SIPA1L3: variants seen among roughly 807,000 people sequenced by gnomAD.
SIPA1L3 encodes signal-induced proliferation-associated 1-like protein 3.
Under a neutral mutation model 150.1 loss-of-function variants are expected in SIPA1L3, and 59 were observed. That is an observed-to-expected ratio of 0.39 (90% CI 0.32 to 0.49). SIPA1L3 has a LOEUF of 0.49. SIPA1L3 is among the 20% of genes least tolerant of loss of function. SIPA1L3 has a pLI of 0.86. For synonymous variants in SIPA1L3, 1,070 were observed against 1,077.6 expected, an observed-to-expected ratio of 0.99 and a Z score of 0.14; for missense variants, 2,211 against 2,489.5, an observed-to-expected ratio of 0.89 and a Z score of 2.38.
rs1010346329 is a variant in SIPA1L3 at position 38,184,648 on chromosome 19, A to C, written c.4430+1908A>C. 3 of 152,234 alleles carry C rather than the reference A, an allele frequency of 2.0e-5. No homozygotes were observed. The East Asian group carries it at 5.8e-4, about 29-fold the overall frequency. The allele number at this position is 152,234 out of a possible 1,614,324, so 9.4% of individuals were successfully genotyped here. Reference sequence around the variant, plus strand: ...TTTGTAGTGTCATCTTTCATGACCTACATGGAGACATTCAAATCCGGGGAT... The same window carrying C: ...TTTGTAGTGTCATCTTTCATGACCTCCATGGAGACATTCAAATCCGGGGAT... On this transcript the variant is annotated intron_variant, in intron 16 of 21. Transcript: ENST00000222345.
intron 1 of SIPA1L3, among the ~76,000 whole-genome samples, chr19:37,978,963 C>A (rs1178960994): frequency 6.6e-6 from 1 of 151,730 alleles, no homozygotes; most frequent in Admixed American, 6.6e-5. Context: ...GTGACAGAGA[C>A]CCCGTCTCAA....
intron 1 of SIPA1L3, among the ~76,000 whole-genome samples, chr19:37,996,214 C>T (rs1009119060): frequency 2.0e-5 from 3 of 152,036 alleles, no homozygotes; most frequent in Non-Finnish European, 2.9e-5. Context: ...AGGCGTGAGC[C>T]AGCACACCCA....
intron 14 of SIPA1L3, among the ~76,000 whole-genome samples, chr19:38,162,952 G>A (rs768456460): frequency 2.6e-5 from 4 of 152,222 alleles, no homozygotes; most frequent in Non-Finnish European, 5.9e-5. Flanking sequence ...GCTGGGAAAT[G>A]TAGTCTTGCA....
chr19:38,167,228 T>G, intron 15 of SIPA1L3, among the ~76,000 whole-genome samples: 1 of 59,958 alleles, frequency 1.7e-5, no homozygotes, highest in Admixed American at 1.5e-4. Context: ...CGAGATTCCA[T>G]CTCAAAAAAA....
intron 12 of SIPA1L3, among the ~76,000 whole-genome samples, chr19:38,144,270 G>C (rs998036992): frequency 6.6e-6 from 1 of 152,256 alleles, no homozygotes; most frequent in African/African-American, 2.4e-5. Flanking sequence ...CTGTAAGAGA[G>C]CGAGAGAGAG....
intron 1 of SIPA1L3, among the ~76,000 whole-genome samples, chr19:37,961,764 G>T (rs1460287244): frequency 6.6e-6 from 1 of 151,934 alleles, no homozygotes; most frequent in East Asian, 1.9e-4. Flanking sequence ...TGATGCCTTT[G>T]ATGATGTCCC....
intron 2 of SIPA1L3, among the ~76,000 whole-genome samples, chr19:38,072,731 A>C (rs1304728122): frequency 6.6e-6 from 1 of 152,272 alleles, no homozygotes; most frequent in East Asian, 1.9e-4. Context: ...GGAGGCTCCC[A>C]AAGGGAAGTC....
rs1277482217 is a variant in SIPA1L3 at position 38,094,334 on chromosome 19, G to A, written c.1665+5483G>A. Among the ~76,000 whole-genome samples the A allele has an allele frequency of 4.6e-5, 7 of 152,036 alleles. 1 individual carries two copies. The highest frequency in any genetic ancestry group is 1.5e-4 in the African/African-American group (6 of 41,376). On this transcript the variant is annotated intron_variant, in intron 4 of 21. Coordinates refer to ENST00000222345, the MANE Select transcript of SIPA1L3 (RefSeq NM_015073.3). Reference sequence around the variant, plus strand: ...TGCAGTCATAGCTCACTGCAGCCTCGAATTCCCGGGCTCAAGCGATCCTCC... The same window carrying A: ...TGCAGTCATAGCTCACTGCAGCCTCAAATTCCCGGGCTCAAGCGATCCTCC...
intron 1 of SIPA1L3, among the ~76,000 whole-genome samples, 195 bp from the exon 2 acceptor site, chr19:38,028,894 A>G (rs1399873120): frequency 1.3e-5 from 2 of 152,014 alleles, no homozygotes; most frequent in African/African-American, 4.8e-5. Flanking sequence ...GGGTTTTGCC[A>G]TGTTGGCCAG....
intron 21 of SIPA1L3, among the ~76,000 whole-genome samples, chr19:38,204,899 G>A (rs959383681): frequency 1.5e-4 from 23 of 152,230 alleles, no homozygotes; most frequent in African/African-American, 5.5e-4. Flanking sequence ...TGGAGCCAGC[G>A]TGGCTGTCAC....
intron 16 of SIPA1L3, among the ~76,000 whole-genome samples, chr19:38,187,669 G>A (rs1417292858): frequency 7.9e-6 from 1 of 126,168 alleles, no homozygotes; most frequent in Non-Finnish European, 1.6e-5. Flanking sequence ...AGTGAGCCAA[G>A]ATTGCGCCAC....
In SIPA1L3 at chr19:38,182,459, T is replaced by C; in HGVS notation, c.4209-60T>C. The C allele has an allele frequency of 2.3e-6, 3 of 1,284,578 alleles. No homozygotes were observed. In the East Asian group the frequency reaches 7.0e-5, roughly 30 times the overall value. The allele number at this position is 1,284,578 out of a possible 1,614,324, so 79.6% of individuals were successfully genotyped here. ...TCCCAAGAGTAAACTTCAATAGCTC[T>C]GTCTTGCCAAATGTGGAATGGATTT... is the stretch of plus-strand genomic sequence containing the variant. On this transcript the variant is annotated intron_variant, in intron 15 of 21. Transcript: ENST00000222345.
chr19:38,055,268 G>A (rs1440227702), intron 2 of SIPA1L3, among the ~76,000 whole-genome samples: 2 of 152,226 alleles, frequency 1.3e-5, no homozygotes, highest in Admixed American at 6.5e-5. Flanking sequence ...AGGGAGGGCA[G>A]CTGGGGGCGG....
chr19:38,173,968 G>A (rs542045419), intron 15 of SIPA1L3, among the ~76,000 whole-genome samples: 2 of 143,986 alleles, frequency 1.4e-5, no homozygotes, highest in Non-Finnish European at 3.1e-5. Context: ...AGAGAGGGGG[G>A]CAGATGGGGG....
At chr19:38,133,604 C>G (rs1419938147) in intron 10 of SIPA1L3, among the ~76,000 whole-genome samples, 1 of 152,118 alleles carries the variant, frequency 6.6e-6, no homozygotes, top group East Asian at 1.9e-4. Context: ...GGGAGACAAA[C>G]AGTAAACAAG....
intron 2 of SIPA1L3, among the ~76,000 whole-genome samples, chr19:38,079,107 C>T (rs1370216079): frequency 3.9e-5 from 6 of 152,140 alleles, no homozygotes; most frequent in Non-Finnish European, 7.3e-5. Context: ...CCAAGGCAGG[C>T]GGATCATGAG....
At chr19:38,069,483 T>C (rs1969667594) in intron 2 of SIPA1L3, among the ~76,000 whole-genome samples, 1 of 152,040 alleles carries the variant, frequency 6.6e-6, no homozygotes, top group Admixed American at 6.6e-5. Context: ...ATGTACAGCC[T>C]CTCCGAGCTC....
Position 38,088,761 on chromosome 19 carries a change from A to G in SIPA1L3, c.1575A>G (p.Pro525=), listed in dbSNP as rs1970196206. The G allele has an allele frequency of 3.1e-6, 5 of 1,614,124 alleles. No homozygotes were observed. The highest frequency in any genetic ancestry group is 4.2e-6 in the Non-Finnish European group (5 of 1,179,990). ...NYFGVDEKLG[P]VAVSIKREKL... ...TCGGCGTGGATGAGAAGCTGGGGCC[A>G]GTGGCTGTGAGCATTAAGCGGGAGA... Residue 525 remains proline, a synonymous_variant, in exon 4 of 22, where the codon CCA becomes CCG. Coordinates refer to ENST00000222345, the MANE Select transcript of SIPA1L3 (RefSeq NM_015073.3).
chr19:37,954,559 G>T (rs912109895), intron 1 of SIPA1L3, among the ~76,000 whole-genome samples: 1 of 152,058 alleles, frequency 6.6e-6, no homozygotes, highest in African/African-American at 2.4e-5. Flanking sequence ...GGATGTTGAG[G>T]ATCTGAACAT....
Sources: allele counts gnomAD v4.1 joint callset (sites outside exome capture counted in the v4.1 genomes callset), GRCh38; gene constraint gnomAD v4.1.1; transcripts MANE v1.5; gene names NCBI Gene and HGNC (gene_info 2026-07-23, HGNC 2026-07-21).